Variants in GRID2 observed in about 807,000 individuals in gnomAD.
GRID2 encodes glutamate receptor ionotropic, delta-2.
GRID2 carries 33 observed loss-of-function variants against 114.8 expected under a neutral mutation model. That is an observed-to-expected ratio of 0.29 (90% CI 0.22 to 0.38). The LOEUF (loss-of-function observed/expected upper bound fraction) is 0.38, where lower values mean the gene tolerates loss of function less well. GRID2 is among the 10% of genes least tolerant of loss of function. GRID2 has a pLI of 1.00. For missense variants in GRID2, 1,184 were observed against 1,257.7 expected (o/e 0.94, Z 0.89); for synonymous variants, 505 against 449.9 (o/e 1.12, Z -1.55).
chr4:93,158,947 C>T (rs975172539), intron 4 of GRID2, among the ~76,000 whole-genome samples: 2 of 151,510 alleles, frequency 1.3e-5, no homozygotes, highest in African/African-American at 4.8e-5. Flanking sequence ...ATTTAAAAAC[C>T]ACTCATTTTT....
At chr4:92,605,112 A>G (rs997481868) in intron 2 of GRID2, among the ~76,000 whole-genome samples, 6 of 152,028 alleles carry the variant, frequency 3.9e-5, no homozygotes, top group Admixed American at 6.6e-5. Context: ...TTTCCCAGCC[A>G]TGCTGAACTG....
rs569797261 is a variant in GRID2, at chr4:93,004,527, C to G, written c.245-80468C>G. On this transcript the variant is annotated intron_variant, in intron 2 of 15. Transcript: ENST00000282020. ...CCCCCTACAAGTGTGTGTGCACACA[C>G]TTATGAATCCCGAGTTTCTCCTTTT... 1.1e-3 allele frequency among the ~76,000 whole-genome samples: 170 copies of G among 152,180 alleles called. 1 individual carries two copies. Among genetic ancestry groups the G allele is most frequent in the African/African-American group, 3.9e-3 (163 of 41,564 alleles).
At chr4:93,622,605 C>T (rs989341141) in intron 13 of GRID2, among the ~76,000 whole-genome samples, 8 of 152,160 alleles carry the variant, frequency 5.3e-5, no homozygotes, top group Non-Finnish European at 1.2e-4. Context: ...ACCACAGACA[C>T]TCCATGAGTA....
intron 2 of GRID2, among the ~76,000 whole-genome samples, chr4:92,954,678 A>T (rs1352612064): frequency 6.8e-6 from 1 of 147,458 alleles, no homozygotes; most frequent in Non-Finnish European, 1.5e-5. Context: ...GGTTAGTTAC[A>T]TATGTATACA....
At chr4:92,354,400 T>C (rs1728219289) in intron 1 of GRID2, among the ~76,000 whole-genome samples, 1 of 151,996 alleles carries the variant, frequency 6.6e-6, no homozygotes, top group African/African-American at 2.4e-5. Flanking sequence ...AGCTGCCTAC[T>C]CTGTAATTTT....
In GRID2 at chr4:92,987,262, C is replaced by A. The variant is rs77400051; in HGVS notation, c.245-97733C>A. Among the ~76,000 whole-genome samples, 962 of 152,112 alleles carry A rather than the reference C, an allele frequency of 6.3e-3. 7 individuals are homozygous for A. The highest frequency in any genetic ancestry group is 0.022 in the African/African-American group (924 of 41,482). ...ATGGGAAATGGAACTAAGATTTGAA[C>A]TTCCTCACCATTAAAGAAGGTACAG... On this transcript the variant is annotated intron_variant, in intron 2 of 15. Coordinates refer to ENST00000282020, the MANE Select transcript of GRID2 (RefSeq NM_001510.4).
chr4:92,941,006 G>A (rs149613780), intron 2 of GRID2, among the ~76,000 whole-genome samples: 6,221 of 152,080 alleles, frequency 0.041, 194 homozygotes, highest in East Asian at 0.14. Flanking sequence ...TGATGTTCAT[G>A]AGGGATATTG....
intron 2 of GRID2, among the ~76,000 whole-genome samples, chr4:92,606,678 G>C (rs1367338221): frequency 6.6e-6 from 1 of 151,512 alleles, no homozygotes; most frequent in Non-Finnish European, 1.5e-5. Flanking sequence ...TTCCCCTTTC[G>C]TTGGCTGCAC....
At chr4:92,387,395 A>C (rs1413504894) in intron 1 of GRID2, among the ~76,000 whole-genome samples, 3 of 151,992 alleles carry the variant, frequency 2.0e-5, no homozygotes, top group Admixed American at 6.6e-5. Flanking sequence ...AATAAGAGCC[A>C]GCAAGTTGTG....
chr4:93,782,773 G>A (rs1015457777), intron 1 of GRID2, among the ~76,000 whole-genome samples: 9 of 151,952 alleles, frequency 5.9e-5, no homozygotes, highest in Admixed American at 3.9e-4. Context: ...TAAGCAATAC[G>A]GGTTTTTATA....
At chr4:92,942,816 C>T (rs2149539095) in intron 2 of GRID2, among the ~76,000 whole-genome samples, 1 of 152,220 alleles carries the variant, frequency 6.6e-6, no homozygotes, top group South Asian at 2.1e-4. Context: ...TTTTATTTCT[C>T]CTTCGCTTAT....
intron 14 of GRID2, among the ~76,000 whole-genome samples, chr4:93,716,683 T>A (rs188347033): frequency 0.042 from 6,387 of 152,048 alleles, 218 homozygotes; most frequent in African/African-American, 0.084. Flanking sequence ...ATACATATGA[T>A]ATACCTTTTA....
intron 2 of GRID2, among the ~76,000 whole-genome samples, chr4:92,862,678 C>A (rs1376464602): frequency 1.3e-5 from 2 of 152,060 alleles, no homozygotes; most frequent in East Asian, 1.9e-4. Flanking sequence ...TGGTACTTTG[C>A]AGCTTGATAA....
chr4:92,798,722 A>G (rs1409007851), intron 2 of GRID2, among the ~76,000 whole-genome samples: 2 of 152,024 alleles, frequency 1.3e-5, no homozygotes, highest in Non-Finnish European at 2.9e-5. Context: ...TTATTTGTTA[A>G]TAAGTACCTG....
rs564641022 is a variant in GRID2, at chr4:93,031,062, A to T, written c.245-53933A>T. On this transcript the variant is annotated intron_variant, in intron 2 of 15. Coordinates refer to ENST00000282020, the MANE Select transcript of GRID2 (RefSeq NM_001510.4). Reference sequence around the variant, plus strand: ...TTTTTTTTTTTTTTTTTTGACATGGAGTCTCGCTCTGTCGCCCAGACTGGA... The same window carrying T: ...TTTTTTTTTTTTTTTTTTGACATGGTGTCTCGCTCTGTCGCCCAGACTGGA... Among the ~76,000 whole-genome samples the T allele has an allele frequency of 1.0e-4, 12 of 116,756 alleles. No individual in the cohort carries two copies. In the South Asian group the frequency reaches 1.3e-3, roughly 13 times the overall value. 76.6% of individuals were successfully genotyped at this position (116,756 alleles called of 152,430 possible).
At chr4:92,659,079 C>T (rs1434753142) in intron 2 of GRID2, among the ~76,000 whole-genome samples, 1 of 150,310 alleles carries the variant, frequency 6.7e-6, no homozygotes, top group East Asian at 2.0e-4. Context: ...CATGTAGATG[C>T]AGAAATAAAG....
intron 14 of GRID2, among the ~76,000 whole-genome samples, chr4:93,731,736 G>T (rs1435910272): frequency 2.0e-5 from 3 of 152,084 alleles, no homozygotes; most frequent in Admixed American, 2.0e-4. Context: ...CTTTCCTTCA[G>T]GATCCCTCAC....
rs1445721578 is a variant in GRID2, at chr4:93,186,701, T to C, written c.736-20703T>C. 4.6e-5 allele frequency among the ~76,000 whole-genome samples: 7 copies of C among 152,168 alleles called. No individual in the cohort carries two copies. The East Asian group carries it at 9.6e-4, about 21-fold the overall frequency. ...TCCTAGATACTGATATCTATTGATATACTAAGTTGCAAGATGAGAATTTAG... is the reference window on the plus strand; with the variant it reads ...TCCTAGATACTGATATCTATTGATACACTAAGTTGCAAGATGAGAATTTAG... On this transcript the variant is annotated intron_variant, in intron 4 of 15. Transcript: ENST00000282020.
At chr4:93,442,625 CAGAGAG>C (rs150091643) in intron 10 of GRID2, among the ~76,000 whole-genome samples, 5 of 149,662 alleles carry the variant, frequency 3.3e-5, no homozygotes, top group Non-Finnish European at 7.5e-5. Context: ...GAGACAGAGA[CAGAGAG>C]AGAGAGAGAA....
Sources: allele counts gnomAD v4.1 joint callset (sites outside exome capture counted in the v4.1 genomes callset), GRCh38; gene constraint gnomAD v4.1.1; transcripts MANE v1.5; gene names NCBI Gene and HGNC (gene_info 2026-07-23, HGNC 2026-07-21).